The following GABRB2 variants were observed in gnomAD, a reference collection of about 807,000 sequenced individuals.
GABRB2 encodes the protein gamma-aminobutyric acid type A receptor subunit beta2.
GABRB2 carries 16 observed loss-of-function variants against 54.7 expected under a neutral mutation model. The observed-to-expected ratio is 0.29, with a 90% CI of 0.20 to 0.44. The LOEUF (loss-of-function observed/expected upper bound fraction) is 0.44, where lower values mean the gene tolerates loss of function less well. Ranked by LOEUF, GABRB2 falls within the 20% of genes least tolerant of loss-of-function variation. The pLI is 1.00. For missense variants in GABRB2, 355 were observed against 644.0 expected (o/e 0.55, Z 4.86); for synonymous variants, 244 against 233.8 (o/e 1.04, Z -0.40).
intron 5 of GABRB2, among the ~76,000 whole-genome samples, chr5:161,393,031 TGC>T (rs1491455820): frequency 2.0e-5 from 3 of 151,986 alleles, no homozygotes; most frequent in Non-Finnish European, 4.4e-5. Flanking sequence ...CAGAAATGAC[TGC>T]CAGAAGGACC....
intron 4 of GABRB2, among the ~76,000 whole-genome samples, chr5:161,430,317 C>CA (rs1757140633): frequency 6.6e-6 from 1 of 152,186 alleles, no homozygotes; most frequent in Non-Finnish European, 1.5e-5. Context: ...TAATACAGTA[C>CA]ATTTCTTTGA....
At chr5:161,385,932 T>A (rs1755610510) in intron 5 of GABRB2, among the ~76,000 whole-genome samples, 1 of 148,924 alleles carries the variant, frequency 6.7e-6, no homozygotes, top group Admixed American at 6.9e-5. Flanking sequence ...TTTTAGTAAC[T>A]GTTACCTATT....
At chr5:161,386,963 C>CAGAA (rs1239728349) in intron 5 of GABRB2, among the ~76,000 whole-genome samples, 1 of 151,848 alleles carries the variant, frequency 6.6e-6, no homozygotes, top group Admixed American at 6.6e-5. Flanking sequence ...GGAGGAGGTA[C>CAGAA]AGAAGAGTGT....
At chr5:161,479,317 C>G (rs186262442) in intron 3 of GABRB2, among the ~76,000 whole-genome samples, 1 of 152,000 alleles carries the variant, frequency 6.6e-6, no homozygotes. Flanking sequence ...CCTCCTTTGG[C>G]GAGAATGACC....
intron 9 of GABRB2, among the ~76,000 whole-genome samples, chr5:161,302,001 G>A (rs1211085683): frequency 6.6e-6 from 1 of 152,170 alleles, no homozygotes; most frequent in African/African-American, 2.4e-5. Context: ...TATCAATCAA[G>A]AAACAAGTGC....
intron 3 of GABRB2, among the ~76,000 whole-genome samples, chr5:161,518,785 A>C (rs142774386): frequency 3.4e-4 from 52 of 152,338 alleles, no homozygotes; most frequent in African/African-American, 1.2e-3. Flanking sequence ...AAGCATGCTC[A>C]TTATTTTCAA....
chr5:161,345,010 C>T (rs1561616160), intron 5 of GABRB2, among the ~76,000 whole-genome samples: 1 of 151,902 alleles, frequency 6.6e-6, no homozygotes, highest in East Asian at 1.9e-4. Flanking sequence ...CACATGGACA[C>T]AGGGAAGGGA....
At chr5:161,423,490 A>C (rs1338387377) in intron 4 of GABRB2, among the ~76,000 whole-genome samples, 3 of 152,112 alleles carry the variant, frequency 2.0e-5, no homozygotes, top group Non-Finnish European at 1.5e-5. Context: ...CAAACTTTTC[A>C]ATTTTTATTA....
chr5:161,338,575 G>A (rs1754063202), intron 5 of GABRB2, among the ~76,000 whole-genome samples: 1 of 152,014 alleles, frequency 6.6e-6, no homozygotes, highest in African/African-American at 2.4e-5. Context: ...ATCACTTGAG[G>A]CCAGGAGTTC....
At chr5:161,414,026 G>A (rs1459327938) in intron 4 of GABRB2, among the ~76,000 whole-genome samples, 1 of 152,156 alleles carries the variant, frequency 6.6e-6, no homozygotes, top group Non-Finnish European at 1.5e-5. Context: ...AGAAGAAAGT[G>A]TTTTCCTCAC....
chr5:161,539,344 A>G (rs1221763239), intron 3 of GABRB2, among the ~76,000 whole-genome samples: 1 of 152,190 alleles, frequency 6.6e-6, no homozygotes, highest in Non-Finnish European at 1.5e-5. Context: ...CCAAAGATCT[A>G]TTGAGCTGAC....
chr5:161,380,287 C>T (rs1264265337), intron 5 of GABRB2, among the ~76,000 whole-genome samples: 5 of 152,052 alleles, frequency 3.3e-5, no homozygotes, highest in African/African-American at 4.8e-5. Flanking sequence ...TAAAATTTTA[C>T]CTCTTTAGGA....
At chr5:161,538,188 C>T (rs978333374) in intron 3 of GABRB2, among the ~76,000 whole-genome samples, 11 of 152,128 alleles carry the variant, frequency 7.2e-5, no homozygotes, top group South Asian at 2.1e-4. Context: ...TAAATTACTA[C>T]TATAGAAGTG....
At chr5:161,466,590 G>A (rs1758283046) in intron 3 of GABRB2, among the ~76,000 whole-genome samples, 1 of 152,036 alleles carries the variant, frequency 6.6e-6, no homozygotes, top group Non-Finnish European at 1.5e-5. Context: ...ATCCCCTTGA[G>A]AATTACTTTC....
Position 161,460,408 on chromosome 5 carries a change from G to A in GABRB2, c.238-564C>T, listed in dbSNP as rs12515097. ...CTGGCATGGGCCAGGCACAGTGGTG[G>A]GCACTATGAATACAGAAGTGAAGAG... is the stretch of plus-strand genomic sequence containing the variant. On this transcript the variant is annotated intron_variant, in intron 3 of 9. Coordinates refer to ENST00000393959, the MANE Select transcript of GABRB2 (RefSeq NM_001371727.1). Among the ~76,000 whole-genome samples the A allele has an allele frequency of 6.7e-3, 1,015 of 152,220 alleles. 3 individuals are homozygous for A. The highest frequency in any genetic ancestry group is 0.01 in the Non-Finnish European group (697 of 68,018).
Position 161,409,107 on chromosome 5 carries a change from T to C in GABRB2, c.541+1868A>G, listed in dbSNP as rs555286759. ...TAAGGCCAGGCTATTTCTTGCTTTT[T>C]AGACTAAGGGGTTTTAGAATAAGGG... On this transcript the variant is annotated intron_variant, in intron 5 of 9. Coordinates refer to ENST00000393959, the MANE Select transcript of GABRB2 (RefSeq NM_001371727.1). Among the ~76,000 whole-genome samples, 3 of 152,240 alleles carry C rather than the reference T, an allele frequency of 2.0e-5. No homozygotes were observed. In the East Asian group the frequency reaches 5.8e-4, roughly 29 times the overall value.
At chr5:161,436,768 G>A (rs1332370036) in intron 4 of GABRB2, among the ~76,000 whole-genome samples, 3 of 152,072 alleles carry the variant, frequency 2.0e-5, no homozygotes, top group Non-Finnish European at 4.4e-5. Context: ...AATTGCTAGC[G>A]CCACCCCCTC....
At chr5:161,338,695 T>G (rs1482662085) in intron 5 of GABRB2, among the ~76,000 whole-genome samples, 1 of 151,824 alleles carries the variant, frequency 6.6e-6, no homozygotes, top group African/African-American at 2.4e-5. Flanking sequence ...GAGACTGAGG[T>G]GGGAGGATTA....
chr5:161,422,887 G>T (rs762522837), intron 4 of GABRB2, among the ~76,000 whole-genome samples: 2 of 152,022 alleles, frequency 1.3e-5, no homozygotes, highest in Non-Finnish European at 2.9e-5. Context: ...TTAATTACAG[G>T]TTTTCAAAGT....
Sources: gnomAD v4.1 joint callset for allele counts (sites outside exome capture counted in the v4.1 genomes callset) on GRCh38, gnomAD v4.1.1 for gene constraint, MANE v1.5 for transcripts, NCBI Gene and HGNC (gene_info 2026-07-23, HGNC 2026-07-21) for gene names.